ADGRL3: variants seen among roughly 807,000 people sequenced by gnomAD.
ADGRL3 encodes the protein adhesion G protein-coupled receptor L3.
A neutral mutation model predicts 153.5 loss-of-function variants in ADGRL3; 62 were observed. The ratio of observed to expected loss-of-function variants is 0.40; its 90% CI spans 0.33 to 0.50. ADGRL3 has a LOEUF of 0.50. ADGRL3 is among the 20% of genes least tolerant of loss of function. The probability of loss-of-function intolerance (pLI) is 0.47; values close to 1 mark genes in which losing one functional copy is unlikely to be tolerated. For synonymous variants in ADGRL3, 710 were observed against 672.5 expected (o/e 1.06, Z -0.86); for missense variants, 1,641 against 1,859.4 (o/e 0.88, Z 2.16).
At chr4:61,746,059 T>C (rs1470029596) in intron 8 of ADGRL3, among the ~76,000 whole-genome samples, 6 of 152,296 alleles carry the variant, frequency 3.9e-5, no homozygotes, top group African/African-American at 1.4e-4. Flanking sequence ...GTTGCAATCC[T>C]AGTCTCTGAT....
chr4:61,678,404 TAATTAAAGAATTTCACGGCTGTCTCTTC>T (rs2095259152), intron 6 of ADGRL3, among the ~76,000 whole-genome samples: 1 of 152,050 alleles, frequency 6.6e-6, no homozygotes, highest in Non-Finnish European at 1.5e-5. Flanking sequence ...CATATTTTTT[TAATTAAAGAATTTCACGGCTGTCTCTTC>T]AATTTCCTGT....
intron 4 of ADGRL3, among the ~76,000 whole-genome samples, chr4:61,569,844 G>A (rs544767560): frequency 6.6e-6 from 1 of 152,110 alleles, no homozygotes; most frequent in South Asian, 2.1e-4. Flanking sequence ...CACTTATGTG[G>A]CACTTAGCAC....
intron 5 of ADGRL3, among the ~76,000 whole-genome samples, chr4:61,671,582 A>G (rs1464728327): frequency 6.6e-6 from 1 of 152,204 alleles, no homozygotes; most frequent in Non-Finnish European, 1.5e-5. Context: ...TATGCATCAT[A>G]TTATTACTAT....
chr4:61,470,671 G>T (rs759727173), intron 2 of ADGRL3, among the ~76,000 whole-genome samples: 20 of 151,802 alleles, frequency 1.3e-4, no homozygotes, highest in East Asian at 1.9e-4. Flanking sequence ...AGAAATGCTG[G>T]TTTAGCAACT....
chr4:61,761,569 G>A (rs2096912620), intron 8 of ADGRL3, among the ~76,000 whole-genome samples: 1 of 152,128 alleles, frequency 6.6e-6, no homozygotes, highest in South Asian at 2.1e-4. Flanking sequence ...TGACACAGGA[G>A]GATTGCTTGA....
At chr4:62,050,119 G>A (rs778466988) in intron 25 of ADGRL3, among the ~76,000 whole-genome samples, 1 of 151,834 alleles carries the variant, frequency 6.6e-6, no homozygotes, top group African/African-American at 2.4e-5. Flanking sequence ...TGAATGCCAA[G>A]TAAAATAAAT....
intron 2 of ADGRL3, among the ~76,000 whole-genome samples, chr4:61,403,157 A>G (rs532863527): frequency 2.6e-5 from 4 of 152,180 alleles, no homozygotes; most frequent in South Asian, 2.1e-4. Context: ...TAAGATATAC[A>G]TATTTGGTCT....
intron 3 of ADGRL3, among the ~76,000 whole-genome samples, chr4:61,498,347 G>A (rs1233102691): frequency 7.9e-5 from 12 of 152,048 alleles, no homozygotes; most frequent in Admixed American, 5.2e-4. Context: ...TCAAGAGATC[G>A]AGACCATCCT....
chr4:61,451,092 A>C (rs1234389818), intron 2 of ADGRL3, among the ~76,000 whole-genome samples: 1 of 152,142 alleles, frequency 6.6e-6, no homozygotes, highest in Non-Finnish European at 1.5e-5. Context: ...TAAAATAGAA[A>C]GCTTGGTACA....
intron 1 of ADGRL3, among the ~76,000 whole-genome samples, chr4:61,226,712 G>C (rs943880943): frequency 6.6e-6 from 1 of 152,076 alleles, no homozygotes; most frequent in African/African-American, 2.4e-5. Flanking sequence ...GTGCCTGGAA[G>C]AATACCTGAA....
At chr4:61,862,556 T>C (rs375527891) in intron 9 of ADGRL3, among the ~76,000 whole-genome samples, 48 of 152,310 alleles carry the variant, frequency 3.2e-4, no homozygotes, top group African/African-American at 1.2e-3. Flanking sequence ...TGTTCCTTGA[T>C]ATTATGTCCC....
intron 4 of ADGRL3, among the ~76,000 whole-genome samples, chr4:61,535,730 A>G (rs1454174853): frequency 1.3e-5 from 2 of 151,928 alleles, no homozygotes; most frequent in Non-Finnish European, 2.9e-5. Context: ...GTGCACATAG[A>G]GATTTTCATA....
intron 19 of ADGRL3, among the ~76,000 whole-genome samples, chr4:61,983,975 C>T (rs960048209): frequency 3.3e-5 from 5 of 152,110 alleles, no homozygotes; most frequent in African/African-American, 9.7e-5. Context: ...CTTCTTCCTG[C>T]CAAGTCCGTT....
intron 1 of ADGRL3, among the ~76,000 whole-genome samples, chr4:61,321,850 T>G (rs1308547270): frequency 1.3e-5 from 2 of 152,154 alleles, no homozygotes; most frequent in African/African-American, 4.8e-5. Flanking sequence ...TCAATTGTGG[T>G]TGTTTCAGAG....
chr4:61,319,758 T>A (rs1022868619), intron 1 of ADGRL3, among the ~76,000 whole-genome samples: 13 of 152,318 alleles, frequency 8.5e-5, no homozygotes, highest in African/African-American at 2.9e-4. Flanking sequence ...TAATTCTATT[T>A]TAATGTAGTA....
At chr4:61,608,390 A>G (rs1374228377) in intron 5 of ADGRL3, among the ~76,000 whole-genome samples, 1 of 152,254 alleles carries the variant, frequency 6.6e-6, no homozygotes, top group Non-Finnish European at 1.5e-5. Context: ...ATATACAGAA[A>G]AACAAAAACC....
At chr4:61,607,327 A>G (rs1221035745) in intron 5 of ADGRL3, among the ~76,000 whole-genome samples, 2 of 152,128 alleles carry the variant, frequency 1.3e-5, no homozygotes, top group African/African-American at 2.4e-5. Context: ...GGCCAGGCGC[A>G]GTGGCTCACA....
At chr4:61,856,756 C>T (rs892144209) in intron 9 of ADGRL3, among the ~76,000 whole-genome samples, 4 of 151,272 alleles carry the variant, frequency 2.6e-5, no homozygotes, top group African/African-American at 9.7e-5. Flanking sequence ...AGGCATGTGC[C>T]ACTACATATG....
chr4:61,915,889 G>A (rs13131561), intron 13 of ADGRL3, among the ~76,000 whole-genome samples: 2,200 of 152,014 alleles, frequency 0.014, 27 homozygotes, highest in Middle Eastern at 0.037. Context: ...GAAATAAGAT[G>A]ATTTCTAAGT....
Sources: gnomAD v4.1 joint callset for allele counts (sites outside exome capture counted in the v4.1 genomes callset) on GRCh38, gnomAD v4.1.1 for gene constraint, MANE v1.5 for transcripts, NCBI Gene and HGNC (gene_info 2026-07-23, HGNC 2026-07-21) for gene names.